The following RB1 variants were observed in gnomAD, a reference collection of about 807,000 sequenced individuals.
RB1 encodes the protein retinoblastoma-associated protein.
A neutral mutation model predicts 135.4 loss-of-function variants in RB1; 18 were observed. The observed-to-expected ratio is 0.13, with a 90% CI of 0.09 to 0.20. The LOEUF (loss-of-function observed/expected upper bound fraction) is 0.20, where lower values mean the gene tolerates loss of function less well. RB1 is among the 10% of genes least tolerant of loss of function. The probability of loss-of-function intolerance (pLI) is 1.00; values close to 1 mark genes in which losing one functional copy is unlikely to be tolerated. For missense variants in RB1, 868 were observed against 1,110.0 expected (o/e 0.78, Z 3.10); for synonymous variants, 365 against 373.2 (o/e 0.98, Z 0.25).
At chr13:48,443,930 C>T (rs1949262580) in intron 17 of RB1, among the ~76,000 whole-genome samples, 1 of 152,106 alleles carries the variant, frequency 6.6e-6, no homozygotes, top group South Asian at 2.1e-4. Flanking sequence ...CCATGTTTTT[C>T]TTCTGCTCTC....
intron 17 of RB1, among the ~76,000 whole-genome samples, chr13:48,401,633 T>TA (rs1476321035): frequency 6.6e-6 from 1 of 152,208 alleles, no homozygotes; most frequent in Non-Finnish European, 1.5e-5. Context: ...TTGGTGTTGT[T>TA]ACTAATTTAC....
At chr13:48,333,188 C>T (rs1952351802) in intron 2 of RB1, 1 of 395,030 alleles carries the variant, frequency 2.5e-6, no homozygotes, top group Non-Finnish European at 4.5e-6. Flanking sequence ...AATTGTACCT[C>T]CATAAAGCTG....
intron 2 of RB1, among the ~76,000 whole-genome samples, chr13:48,330,759 C>A (rs1220139346): frequency 8.5e-5 from 13 of 152,198 alleles, no homozygotes; most frequent in Non-Finnish European, 1.6e-4. Flanking sequence ...CAAACGTTTT[C>A]AAAAATTTGA....
At chr13:48,407,374 A>C (rs1448212201) in intron 17 of RB1, among the ~76,000 whole-genome samples, 1 of 152,192 alleles carries the variant, frequency 6.6e-6, no homozygotes, top group Non-Finnish European at 1.5e-5. Flanking sequence ...GGAAGGTAGG[A>C]GAGGCTTAAC....
chr13:48,319,208 C>CAG lies in RB1; in HGVS notation c.264+11802_264+11803insAG, dbSNP rs767566043. The CAG allele has an allele frequency of 2.0e-5, 14 of 707,330 alleles. No homozygotes were observed. The highest frequency in any genetic ancestry group is 3.1e-5 in the Non-Finnish European group (14 of 449,866). The allele number at this position is 707,330 out of a possible 1,614,324, so 43.8% of individuals were successfully genotyped here. ...GGTCTGTGGCCTTGGTGGCCACTGG[C>CAG]TTCCTCTAGCTGGGTGTTTTCCTGT... is the stretch of plus-strand genomic sequence containing the variant. On this transcript the variant is annotated intron_variant, in intron 2 of 26. Transcript: ENST00000267163. This position sits in a 1 kb window ranked among gnomAD's most constrained non-coding sequence, Gnocchi z 5.0.
intron 20 of RB1, among the ~76,000 whole-genome samples, chr13:48,462,641 T>C (rs1949413423): frequency 6.6e-6 from 1 of 152,198 alleles, no homozygotes; most frequent in Non-Finnish European, 1.5e-5. Context: ...ATTGATGCTT[T>C]AGTGTCATAT....
intron 17 of RB1, among the ~76,000 whole-genome samples, chr13:48,446,241 A>G (rs1177811405): frequency 6.6e-6 from 1 of 152,246 alleles, no homozygotes; most frequent in South Asian, 2.1e-4. Context: ...TACAGGCCTG[A>G]GCCACCATGC....
intron 2 of RB1, 73 bp from the exon 3 acceptor site, chr13:48,342,526 A>G: frequency 1.1e-6 from 1 of 936,932 alleles, no homozygotes; most frequent in Non-Finnish European, 1.7e-6. Flanking sequence ...AATCAGTTAT[A>G]ATACAGTTTT....
intron 23 of RB1, among the ~76,000 whole-genome samples, chr13:48,471,964 G>T (rs1949473762): frequency 1.3e-5 from 2 of 152,182 alleles, no homozygotes; most frequent in African/African-American, 4.8e-5. Flanking sequence ...GGGAAATGAT[G>T]AGTATGAAGC....
chr13:48,443,624 A>G (rs1173007176), intron 17 of RB1, among the ~76,000 whole-genome samples: 2 of 152,210 alleles, frequency 1.3e-5, no homozygotes, highest in Non-Finnish European at 2.9e-5. Flanking sequence ...TAAAAGACAC[A>G]TCATTCTATT....
intron 17 of RB1, among the ~76,000 whole-genome samples, chr13:48,404,684 G>A (rs554172772): frequency 1.3e-4 from 19 of 151,884 alleles, no homozygotes; most frequent in Non-Finnish European, 2.4e-4. Flanking sequence ...GAGACAACGC[G>A]CCCAGATAAT....
rs2138364813 is a variant in RB1 at position 48,480,105 on chromosome 13, C to T, written c.*34C>T. On this transcript the variant is annotated 3_prime_UTR_variant, in exon 27 of 27. Transcript: ENST00000267163. ...GGACCTTGGTGGACACTGTGTACAC[C>T]TCTGGATTCATTGTCTCTCACAGAT... The T allele has an allele frequency of 2.6e-6, 4 of 1,535,804 alleles. No individual in the cohort carries two copies. The highest frequency in any genetic ancestry group is 2.3e-5 in the East Asian group (1 of 43,942).
intron 9 of RB1, among the ~76,000 whole-genome samples, chr13:48,365,727 TCAA>T (rs774604583): frequency 2.6e-5 from 4 of 152,200 alleles, no homozygotes; most frequent in Non-Finnish European, 5.9e-5. Context: ...ATTTATTAAT[TCAA>T]CAAATATTTT....
Position 48,303,751 on chromosome 13 carries a change from A to T in RB1, c.-162A>T, listed in dbSNP as rs1233077850. ...TTTCCCGCGGTTGGACGCGGCGCTC[A>T]GTTGCCGGGCGGGGGAGGGCGCGTC... On this transcript the variant is annotated 5_prime_UTR_variant, in exon 1 of 27. Coordinates refer to ENST00000267163, the MANE Select transcript of RB1 (RefSeq NM_000321.3). The T allele has an allele frequency of 4.1e-5, 46 of 1,133,012 alleles. No individual in the cohort carries two copies. The highest frequency in any genetic ancestry group is 5.5e-5 in the Non-Finnish European group (46 of 838,920). 70.2% of individuals were successfully genotyped at this position (1,133,012 alleles called of 1,614,324 possible).
intron 17 of RB1, among the ~76,000 whole-genome samples, chr13:48,392,228 A>G (rs1948616063): frequency 6.6e-6 from 1 of 152,048 alleles, no homozygotes; most frequent in South Asian, 2.1e-4. Flanking sequence ...CTTCTGCCTC[A>G]GCCTCCTGAG....
intron 2 of RB1, chr13:48,320,539 CAA>C (rs1475822704): frequency 3.9e-6 from 2 of 516,302 alleles, no homozygotes; most frequent in African/African-American, 3.9e-5. Flanking sequence ...TTCATATACT[CAA>C]AAGGTTGGCA....
chr13:48,427,247 A>C (rs1422294001), intron 17 of RB1, among the ~76,000 whole-genome samples: 3 of 49,694 alleles, frequency 6.0e-5, no homozygotes, highest in African/African-American at 8.6e-5. Flanking sequence ...CACCTCCAGC[A>C]TTGGGGAGCA....
At chr13:48,330,108 TAA>T (rs760859104) in intron 2 of RB1, among the ~76,000 whole-genome samples, 2,321 of 143,778 alleles carry the variant, frequency 0.016, 51 homozygotes, top group African/African-American at 0.039. Flanking sequence ...AAATGGAAAT[TAA>T]AAAAAAAAAA....
At chr13:48,386,396 CT>C (rs761560370) in intron 17 of RB1, among the ~76,000 whole-genome samples, 3 of 151,520 alleles carry the variant, frequency 2.0e-5, no homozygotes, top group African/African-American at 2.4e-5. Flanking sequence ...TTGAGTATGT[CT>C]TTTTAATATT....
Sources: gnomAD v4.1 joint callset for allele counts (sites outside exome capture counted in the v4.1 genomes callset) on GRCh38, gnomAD v4.1.1 for gene constraint, Gnocchi (gnomAD v3.1) non-coding constraint, MANE v1.5 for transcripts, NCBI Gene and HGNC (gene_info 2026-07-23, HGNC 2026-07-21) for gene names.